CAMK1D: variants seen among roughly 807,000 people sequenced by gnomAD.
The protein encoded by CAMK1D is calcium/calmodulin-dependent protein kinase type 1D.
A neutral mutation model predicts 47.7 loss-of-function variants in CAMK1D; 9 were observed. The ratio of observed to expected loss-of-function variants is 0.19; its 90% CI spans 0.11 to 0.33. CAMK1D has a LOEUF of 0.33. Ranked by LOEUF, CAMK1D falls within the 10% of genes least tolerant of loss-of-function variation. The pLI, the probability that CAMK1D is intolerant of heterozygous loss-of-function variation, is 1.00. For synonymous variants in CAMK1D, 184 were observed against 184.9 expected (o/e 0.99, Z 0.04); for missense variants, 291 against 488.7 (o/e 0.60, Z 3.81).
intron 2 of CAMK1D, among the ~76,000 whole-genome samples, chr10:12,661,806 A>G (rs1209419692): frequency 6.6e-6 from 1 of 152,270 alleles, no homozygotes; most frequent in Non-Finnish European, 1.5e-5. Context: ...GCACAGCAAA[A>G]TTCTGGAACA....
intron 2 of CAMK1D, among the ~76,000 whole-genome samples, chr10:12,596,043 A>G (rs191867492): frequency 5.3e-5 from 8 of 152,116 alleles, no homozygotes; most frequent in Non-Finnish European, 7.4e-5. Context: ...GCAAGCAGTA[A>G]GACACCCTAA....
chr10:12,811,078 T>C (rs1554829210), intron 6 of CAMK1D, among the ~76,000 whole-genome samples: 4 of 152,188 alleles, frequency 2.6e-5, no homozygotes, highest in Non-Finnish European at 5.9e-5. Flanking sequence ...GCTTTGGAGG[T>C]GAATTGCCTT....
intron 1 of CAMK1D, among the ~76,000 whole-genome samples, chr10:12,532,761 A>G (rs907139967): frequency 1.3e-5 from 2 of 152,186 alleles, no homozygotes; most frequent in African/African-American, 4.8e-5. Flanking sequence ...CTATTCAGCC[A>G]TAAAAAGAAT....
intron 1 of CAMK1D, among the ~76,000 whole-genome samples, chr10:12,521,953 A>G (rs546075375): frequency 1.3e-5 from 2 of 150,768 alleles, no homozygotes; most frequent in South Asian, 4.3e-4. Context: ...CTGACCTTAT[A>G]TATATATCAT....
chr10:12,630,321 T>A (rs1839340599), intron 2 of CAMK1D, among the ~76,000 whole-genome samples: 1 of 151,592 alleles, frequency 6.6e-6, no homozygotes, highest in African/African-American at 2.4e-5. Flanking sequence ...GCGTATATAT[T>A]GTGACTTGTT....
At chr10:12,759,875 G>A (rs1564540948) in intron 3 of CAMK1D, among the ~76,000 whole-genome samples, 1 of 152,174 alleles carries the variant, frequency 6.6e-6, no homozygotes, top group Non-Finnish European at 1.5e-5. Flanking sequence ...GTGTGTTTGT[G>A]TATGAGTGTG....
At chr10:12,542,838 C>A (rs191560051) in intron 1 of CAMK1D, among the ~76,000 whole-genome samples, 1 of 152,006 alleles carries the variant, frequency 6.6e-6, no homozygotes, top group African/African-American at 2.4e-5. Context: ...CTCCGCCTCC[C>A]GGGTTTGAGC....
intron 2 of CAMK1D, among the ~76,000 whole-genome samples, chr10:12,570,712 A>C (rs1837297889): frequency 6.6e-6 from 1 of 151,162 alleles, no homozygotes; most frequent in African/African-American, 2.4e-5. Context: ...CCATGAGGAC[A>C]GCAGCACTTT....
rs113185371 is a variant in CAMK1D, at chr10:12,769,696, T to C, written c.462T>C (p.Ser154=). Residue 154 remains serine, a synonymous_variant, in exon 5 of 11, where the codon AGT becomes AGC. Transcript: ENST00000619168. ...AGCCCGAAAATCTCTTGTACTACAG[T>C]CAAGATGAGGAGTCCAAAATAATGA... ...DLKPENLLYY[S]QDEESKIMIS... 6.2e-6 allele frequency: 10 copies of C among 1,614,056 alleles called. No homozygotes were observed. The highest frequency in any genetic ancestry group is 1.7e-5 in the Admixed American group (1 of 60,008).
intron 9 of CAMK1D, among the ~76,000 whole-genome samples, chr10:12,824,992 G>GA (rs1833144203): frequency 6.6e-6 from 1 of 152,078 alleles, no homozygotes; most frequent in African/African-American, 2.4e-5. Context: ...TTGATTACCT[G>GA]ACCTCCCCTC....
chr10:12,773,212 C>G (rs1837122000), intron 5 of CAMK1D, among the ~76,000 whole-genome samples: 2 of 152,188 alleles, frequency 1.3e-5, no homozygotes, highest in African/African-American at 4.8e-5. Flanking sequence ...GAATCTTAGC[C>G]ATGTTTTCTT....
At chr10:12,458,523 C>G (rs1235268660) in intron 1 of CAMK1D, among the ~76,000 whole-genome samples, 1 of 151,860 alleles carries the variant, frequency 6.6e-6, no homozygotes, top group Non-Finnish European at 1.5e-5. Flanking sequence ...CTCAAGTGAT[C>G]CTCCCACCTC....
At chr10:12,661,265 ATTTTAT>A (rs1840266741) in intron 2 of CAMK1D, among the ~76,000 whole-genome samples, 2 of 152,200 alleles carry the variant, frequency 1.3e-5, no homozygotes, top group African/African-American at 4.8e-5. Context: ...AGATATTCTA[ATTTTAT>A]AGAAATAACT....
chr10:12,479,197 C>CT (rs1056244216), intron 1 of CAMK1D, among the ~76,000 whole-genome samples: 8 of 150,762 alleles, frequency 5.3e-5, no homozygotes, highest in Admixed American at 3.3e-4. Context: ...ATTTTTTTTT[C>CT]TTTTTTTCTT....
chr10:12,635,679 C>G (rs1350274084), intron 2 of CAMK1D, among the ~76,000 whole-genome samples: 1 of 152,060 alleles, frequency 6.6e-6, no homozygotes, highest in Non-Finnish European at 1.5e-5. Flanking sequence ...TGTGGCAAAA[C>G]GGATTTTATT....
rs1056295932 is a variant in CAMK1D at position 12,830,093 on chromosome 10, C to T, written c.*1206C>T. ...CTCCCTTGCAAAAGGAACCAGCTGC[C>T]ATGTTGCTGAAAGTGGGCCCACACA... On this transcript the variant is annotated 3_prime_UTR_variant, in exon 11 of 11. Transcript: ENST00000619168. 6.6e-6 allele frequency: 1 copy of T among 152,186 alleles called. No homozygotes were observed. The highest frequency in any genetic ancestry group is 2.4e-5 in the African/African-American group (1 of 41,424). The allele number at this position is 152,186 out of a possible 1,614,324, so 9.4% of individuals were successfully genotyped here. A position where few individuals can be genotyped will look rare whatever the true frequency, so the allele number is the denominator to read the frequency against.
At chr10:12,819,898 G>A (rs1000502653) in intron 8 of CAMK1D, among the ~76,000 whole-genome samples, 1 of 152,166 alleles carries the variant, frequency 6.6e-6, no homozygotes, top group African/African-American at 2.4e-5. Context: ...GGACGGAGAA[G>A]CCATGGGCAT....
At position 12,588,281 on chromosome 10, in the gene CAMK1D, G is replaced by A. The variant is rs569189157; in HGVS notation, c.224+34925G>A. Among the ~76,000 whole-genome samples, 9 of 152,190 alleles carry A rather than the reference G, an allele frequency of 5.9e-5. No homozygotes were observed. In the South Asian group the frequency reaches 8.3e-4, roughly 14 times the overall value. ...GCTGGTTTGGCCACAGGAAGATGAC[G>A]AGCTTGTTAAGAATAATGATCGGAC... On this transcript the variant is annotated intron_variant, in intron 2 of 10. Transcript: ENST00000619168.
At chr10:12,414,589 A>G (rs1306871680) in intron 1 of CAMK1D, among the ~76,000 whole-genome samples, 1 of 152,208 alleles carries the variant, frequency 6.6e-6, no homozygotes, top group African/African-American at 2.4e-5. Context: ...CGCTGTTGGA[A>G]TAAATTTAAC....
Sources: gnomAD v4.1 joint callset for allele counts (sites outside exome capture counted in the v4.1 genomes callset) on GRCh38, gnomAD v4.1.1 for gene constraint, MANE v1.5 for transcripts, NCBI Gene and HGNC (gene_info 2026-07-23, HGNC 2026-07-21) for gene names.